DRC11: variants seen among roughly 807,000 people sequenced by gnomAD.
DRC11 encodes the protein dynein regulatory complex subunit 11.
the DRC11 span, among the ~76,000 whole-genome samples, chr2:236,481,509 A>G: frequency 6.6e-6 from 1 of 152,084 alleles, no homozygotes; most frequent in East Asian, 1.9e-4. Context: ...GTTATGGGAC[A>G]TTGCTGGTGA....
chr2:236,459,039 A>G, the DRC11 span, among the ~76,000 whole-genome samples: 1 of 152,132 alleles, frequency 6.6e-6, no homozygotes, highest in African/African-American at 2.4e-5. Flanking sequence ...AGTAAGACTG[A>G]GGCTCAAAAA....
At chr2:236,446,130 G>A in the DRC11 span, among the ~76,000 whole-genome samples, 14 of 152,246 alleles carry the variant, frequency 9.2e-5, no homozygotes, top group African/African-American at 3.4e-4. This position sits in a 1 kb window ranked among gnomAD's most constrained non-coding sequence, Gnocchi z 6.2. Flanking sequence ...TTTCAGCTGT[G>A]TCCTGGGGCA....
chr2:236,420,801 T>A, the DRC11 span, among the ~76,000 whole-genome samples: 4 of 151,980 alleles, frequency 2.6e-5, no homozygotes, highest in Non-Finnish European at 5.9e-5. The surrounding 1 kb of genome is among the most constrained non-coding windows in gnomAD (Gnocchi z 4.8). Context: ...CAGAGTGAGA[T>A]CCTGCCTCAA....
At chr2:236,377,525 T>A in the DRC11 span, among the ~76,000 whole-genome samples, 1 of 152,218 alleles carries the variant, frequency 6.6e-6, no homozygotes, top group Non-Finnish European at 1.5e-5. The surrounding 1 kb of genome is among the most constrained non-coding windows in gnomAD (Gnocchi z 4.9). Context: ...ATAATAGTAA[T>A]GCAATGGACC....
the DRC11 span, among the ~76,000 whole-genome samples, chr2:236,385,322 C>T: frequency 3.8e-4 from 55 of 146,242 alleles, 1 homozygote; most frequent in Admixed American, 6.8e-5. Context: ...TTGTTTGTAT[C>T]CTCTTTTATT....
At chr2:236,325,418 T>A in the DRC11 span, among the ~76,000 whole-genome samples, 5 of 152,204 alleles carry the variant, frequency 3.3e-5, no homozygotes, top group Middle Eastern at 3.2e-3. This position sits in a 1 kb window ranked among gnomAD's most constrained non-coding sequence, Gnocchi z 4.4. Context: ...TTATGAAGAA[T>A]GCTGAAGTTC....
At chr2:236,336,426 AC>A in the DRC11 span, among the ~76,000 whole-genome samples, 1 of 57,702 alleles carries the variant, frequency 1.7e-5, no homozygotes, top group Non-Finnish European at 3.7e-5. The surrounding 1 kb of genome is among the most constrained non-coding windows in gnomAD (Gnocchi z 7.3). Flanking sequence ...CACCACCACC[AC>A]TGCCACCACG....
the DRC11 span, among the ~76,000 whole-genome samples, chr2:236,406,900 C>T: frequency 6.6e-6 from 1 of 152,106 alleles, no homozygotes; most frequent in Non-Finnish European, 1.5e-5. This position sits in a 1 kb window ranked among gnomAD's most constrained non-coding sequence, Gnocchi z 4.7. Flanking sequence ...CGCCCACCAC[C>T]ACGCCTGGCT....
chr2:236,394,418 A>G, the DRC11 span, among the ~76,000 whole-genome samples: 67,339 of 151,544 alleles, frequency 0.44, 15,374 homozygotes, highest in African/African-American at 0.51. This position sits in a 1 kb window ranked among gnomAD's most constrained non-coding sequence, Gnocchi z 7.0. Flanking sequence ...AGATCCCGAG[A>G]TCAGGAGTTT....
At chr2:236,501,792 G>A in the DRC11 span, among the ~76,000 whole-genome samples, 2 of 152,100 alleles carry the variant, frequency 1.3e-5, no homozygotes, top group Admixed American at 6.5e-5. Flanking sequence ...AAACCTGCCA[G>A]GACAACATTC....
the DRC11 span, among the ~76,000 whole-genome samples, chr2:236,341,403 C>T: frequency 6.6e-6 from 1 of 152,202 alleles, no homozygotes; most frequent in African/African-American, 2.4e-5. Context: ...CAGGCGTCTG[C>T]AGGGGGCAGG....
chr2:236,325,737 G>C, the DRC11 span, among the ~76,000 whole-genome samples: 6 of 152,060 alleles, frequency 3.9e-5, no homozygotes, highest in African/African-American at 1.4e-4. The surrounding 1 kb of genome is among the most constrained non-coding windows in gnomAD (Gnocchi z 4.4). Flanking sequence ...GGAGTAGCTG[G>C]GATTACAGGC....
At chr2:236,337,060 T>C in the DRC11 span, among the ~76,000 whole-genome samples, 9 of 151,946 alleles carry the variant, frequency 5.9e-5, no homozygotes, top group African/African-American at 1.2e-4. This position sits in a 1 kb window ranked among gnomAD's most constrained non-coding sequence, Gnocchi z 4.9. Context: ...CCGGTCGACA[T>C]AGGCCCCGCT....
the DRC11 span, among the ~76,000 whole-genome samples, chr2:236,422,007 A>C: frequency 6.6e-6 from 1 of 152,144 alleles, no homozygotes. Context: ...AAATTCAATA[A>C]CACTCATGCT....
chr2:236,371,118 C>T, the DRC11 span, among the ~76,000 whole-genome samples: 13 of 151,420 alleles, frequency 8.6e-5, no homozygotes, highest in African/African-American at 1.9e-4. This position sits in a 1 kb window ranked among gnomAD's most constrained non-coding sequence, Gnocchi z 5.1. Context: ...ATTCTGCGTC[C>T]GGGGATCCCT....
the DRC11 span, among the ~76,000 whole-genome samples, chr2:236,358,469 A>ACAAG: frequency 7.0e-6 from 1 of 143,866 alleles, no homozygotes; most frequent in Admixed American, 7.0e-5. Context: ...TAAATATTTG[A>ACAAG]TAAATATTTG....
the DRC11 span, among the ~76,000 whole-genome samples, chr2:236,445,826 C>G: frequency 5.3e-5 from 8 of 152,250 alleles, no homozygotes; most frequent in South Asian, 1.7e-3. This position sits in a 1 kb window ranked among gnomAD's most constrained non-coding sequence, Gnocchi z 4.8. Flanking sequence ...ATCACACATA[C>G]ACAGACACAC....
At chr2:236,493,664 G>T in the DRC11 span, 1 of 967,324 alleles carries the variant, frequency 1.0e-6, no homozygotes, top group Non-Finnish European at 1.5e-6. Flanking sequence ...ATCATTCTCT[G>T]CTTAAACTGA....
chr2:236,345,103 A>G, the DRC11 span, among the ~76,000 whole-genome samples: 643 of 124,790 alleles, frequency 5.2e-3, no homozygotes, highest in Admixed American at 8.4e-3. Flanking sequence ...CCCTGGTTGT[A>G]AACGTGCTTC....
Sources: allele counts gnomAD v4.1 joint callset (sites outside exome capture counted in the v4.1 genomes callset), GRCh38; gene constraint gnomAD v4.1.1; non-coding constraint Gnocchi (gnomAD v3.1); transcripts MANE v1.5; gene names NCBI Gene and HGNC (gene_info 2026-07-23, HGNC 2026-07-21).